The following CNTNAP2 variants were observed in gnomAD, a reference collection of about 807,000 sequenced individuals.
The protein encoded by CNTNAP2 is contactin-associated protein-like 2.
In CNTNAP2, 98 loss-of-function variants were observed where a neutral mutation model predicts 155.2. That is an observed-to-expected ratio of 0.63 (90% CI 0.54 to 0.75). The LOEUF (loss-of-function observed/expected upper bound fraction) is 0.75. Among genes scored for constraint, CNTNAP2 ranks in the 30% least tolerant of loss-of-function variants. The pLI, the probability that CNTNAP2 is intolerant of heterozygous loss-of-function variation, is 0.00. For missense variants in CNTNAP2, 1,727 were observed against 1,688.1 expected (o/e 1.02, Z -0.40); for synonymous variants, 651 against 631.2 (o/e 1.03, Z -0.47).
At chr7:147,164,186 C>A (rs1802078386) in intron 8 of CNTNAP2, among the ~76,000 whole-genome samples, 1 of 152,166 alleles carries the variant, frequency 6.6e-6, no homozygotes, top group Non-Finnish European at 1.5e-5. Flanking sequence ...ACAAAGGGAA[C>A]TGTTTGTAAC....
At chr7:146,861,291 G>T (rs1207252347) in intron 3 of CNTNAP2, among the ~76,000 whole-genome samples, 2 of 152,116 alleles carry the variant, frequency 1.3e-5, no homozygotes, top group Non-Finnish European at 2.9e-5. Context: ...GACCTCAGGA[G>T]ATCCACCTGC....
rs11377797 is a variant in CNTNAP2 at position 148,052,363 on chromosome 7, G to GAA, written c.2384-65742_2384-65741dup. ...GTAAAAGATGAACAACCAGGTGATGGAAAAAAAAAAAAAAGATCCAGAATT... is the reference window on the plus strand; with the variant it reads ...GTAAAAGATGAACAACCAGGTGATGGAAAAAAAAAAAAAAAAGATCCAGAATT... On this transcript the variant is annotated intron_variant, in intron 15 of 23. Transcript: ENST00000361727. Among the ~76,000 whole-genome samples the GAA allele has an allele frequency of 2.7e-3, 382 of 139,358 alleles. 1 individual carries two copies. The highest frequency in any genetic ancestry group is 7.4e-3 in the East Asian group (36 of 4,878). 91.4% of individuals were successfully genotyped at this position (139,358 alleles called of 152,430 possible). A position where few individuals can be genotyped will look rare whatever the true frequency, so the allele number is the denominator to read the frequency against.
chr7:147,284,102 A>C (rs987485272), intron 8 of CNTNAP2, among the ~76,000 whole-genome samples: 1 of 151,776 alleles, frequency 6.6e-6, no homozygotes, highest in African/African-American at 2.4e-5. Flanking sequence ...TACAAATGTG[A>C]AGCCAAAAGT....
chr7:147,151,867 T>C (rs1196417046), intron 8 of CNTNAP2, among the ~76,000 whole-genome samples: 1 of 152,158 alleles, frequency 6.6e-6, no homozygotes, highest in Non-Finnish European at 1.5e-5. Flanking sequence ...GAAGAGCAGC[T>C]GGGTCTATCT....
At chr7:146,439,072 T>TA (rs374478805) in intron 1 of CNTNAP2, among the ~76,000 whole-genome samples, 12,011 of 151,358 alleles carry the variant, frequency 0.079, 711 homozygotes, top group African/African-American at 0.095. Flanking sequence ...TATTTATTAC[T>TA]AAAAAAAAGT....
intron 13 of CNTNAP2, among the ~76,000 whole-genome samples, chr7:147,868,769 C>A (rs1416892580): frequency 6.6e-6 from 1 of 152,224 alleles, no homozygotes; most frequent in Non-Finnish European, 1.5e-5. Flanking sequence ...GGCATGGGAC[C>A]CTCCAAGCCA....
chr7:147,757,527 T>C (rs10265547), intron 13 of CNTNAP2, among the ~76,000 whole-genome samples: 61,936 of 151,980 alleles, frequency 0.41, 15,196 homozygotes, highest in African/African-American at 0.69. Context: ...GCTTGACTTG[T>C]ACCTTAATTT....
chr7:147,684,207 GT>G (rs1211062908), intron 13 of CNTNAP2, among the ~76,000 whole-genome samples: 6 of 151,740 alleles, frequency 4.0e-5, no homozygotes, highest in African/African-American at 1.5e-4. Context: ...AGAATAAAAT[GT>G]TACAAGAGCT....
intron 8 of CNTNAP2, among the ~76,000 whole-genome samples, chr7:147,256,771 T>C (rs1325682032): frequency 1.3e-5 from 2 of 152,040 alleles, no homozygotes; most frequent in Non-Finnish European, 2.9e-5. Context: ...GGACAGTTAA[T>C]GGACGCATTG....
chr7:146,587,978 G>A (rs1451612772), intron 1 of CNTNAP2, among the ~76,000 whole-genome samples: 1 of 149,166 alleles, frequency 6.7e-6, no homozygotes, highest in South Asian at 2.2e-4. Context: ...CCGGCCTGAT[G>A]ATTAATTTTC....
chr7:148,117,611 T>G (rs986005155), intron 15 of CNTNAP2, among the ~76,000 whole-genome samples: 4 of 152,136 alleles, frequency 2.6e-5, no homozygotes, highest in Non-Finnish European at 5.9e-5. Context: ...TCTCAGATGC[T>G]GCTTGCACCA....
chr7:147,506,413 G>A (rs1798907573), intron 11 of CNTNAP2, among the ~76,000 whole-genome samples: 1 of 152,050 alleles, frequency 6.6e-6, no homozygotes, highest in Admixed American at 6.5e-5. Flanking sequence ...GCACCACCAT[G>A]CCCGGCTAAT....
chr7:146,563,953 A>G (rs1798319032), intron 1 of CNTNAP2, among the ~76,000 whole-genome samples: 1 of 152,084 alleles, frequency 6.6e-6, no homozygotes, highest in Non-Finnish European at 1.5e-5. Flanking sequence ...TTGGGCCCAG[A>G]GATATTGCTG....
chr7:147,431,570 C>T (rs938982487), intron 10 of CNTNAP2, among the ~76,000 whole-genome samples: 30 of 152,146 alleles, frequency 2.0e-4, no homozygotes, highest in African/African-American at 7.0e-4. Context: ...AATCCTGGAC[C>T]GCTCCAATCT....
intron 1 of CNTNAP2, among the ~76,000 whole-genome samples, chr7:146,632,723 T>A (rs1314067795): frequency 6.6e-6 from 1 of 152,040 alleles, no homozygotes; most frequent in East Asian, 1.9e-4. Context: ...ATAAACTTTT[T>A]AAATATAATT....
intron 1 of CNTNAP2, among the ~76,000 whole-genome samples, chr7:146,323,026 A>G (rs1192477788): frequency 6.6e-6 from 1 of 152,038 alleles, no homozygotes; most frequent in African/African-American, 2.4e-5. Flanking sequence ...TATGCCATCT[A>G]ATTAAATGTC....
intron 6 of CNTNAP2, among the ~76,000 whole-genome samples, chr7:147,124,563 C>T (rs945826039): frequency 6.6e-6 from 1 of 152,080 alleles, no homozygotes; most frequent in Non-Finnish European, 1.5e-5. Flanking sequence ...GTATTTCCAT[C>T]ATATAGTTGC....
intron 1 of CNTNAP2, among the ~76,000 whole-genome samples, chr7:146,156,722 C>T (rs1798131925): frequency 6.6e-6 from 1 of 152,278 alleles, no homozygotes; most frequent in South Asian, 2.1e-4. Context: ...CCTGCCTCAG[C>T]CTCCTGAGTA....
At chr7:147,771,803 A>G (rs1797473221) in intron 13 of CNTNAP2, among the ~76,000 whole-genome samples, 1 of 151,940 alleles carries the variant, frequency 6.6e-6, no homozygotes, top group African/African-American at 2.4e-5. Flanking sequence ...TAGAATTCTT[A>G]ATGTTGACAT....
Sources: allele counts gnomAD v4.1 joint callset (sites outside exome capture counted in the v4.1 genomes callset), GRCh38; gene constraint gnomAD v4.1.1; transcripts MANE v1.5; gene names NCBI Gene and HGNC (gene_info 2026-07-23, HGNC 2026-07-21).